Variants in CAMTA1 observed in about 807,000 individuals in gnomAD.
CAMTA1 encodes calmodulin binding transcription activator 1, also known as calmodulin-binding transcription activator 1.
Under a neutral mutation model 170.9 loss-of-function variants are expected in CAMTA1, and 27 were observed. That is an observed-to-expected ratio of 0.16 (90% confidence interval 0.12 to 0.22). CAMTA1 has a LOEUF of 0.22. Ranked by LOEUF, CAMTA1 falls within the 10% of genes least tolerant of loss-of-function variation. The pLI, the probability that CAMTA1 is intolerant of heterozygous loss-of-function variation, is 1.00. For missense variants in CAMTA1, 1,619 were observed against 2,217.2 expected (o/e 0.73, Z 5.42); for synonymous variants, 833 against 891.5 (o/e 0.93, Z 1.17).
intron 4 of CAMTA1, among the ~76,000 whole-genome samples, chr1:7,160,851 T>C (rs1310121017): frequency 6.6e-6 from 1 of 152,162 alleles, no homozygotes; most frequent in Non-Finnish European, 1.5e-5. Flanking sequence ...TCTTTCTCAG[T>C]ATATGGTACC....
intron 3 of CAMTA1, among the ~76,000 whole-genome samples, chr1:6,992,530 T>A (rs1292639920): frequency 6.6e-6 from 1 of 152,222 alleles, no homozygotes; most frequent in African/African-American, 2.4e-5. Context: ...TTCACACTGC[T>A]AGAAAGAAAT....
At chr1:7,284,146 T>C (rs1156679051) in intron 5 of CAMTA1, among the ~76,000 whole-genome samples, 1 of 105,070 alleles carries the variant, frequency 9.5e-6, no homozygotes, top group African/African-American at 3.9e-5. Context: ...TTCTTCTTCT[T>C]CTTCTTCTTC....
intron 4 of CAMTA1, among the ~76,000 whole-genome samples, chr1:7,129,675 G>A (rs1369017485): frequency 6.6e-6 from 1 of 152,106 alleles, no homozygotes; most frequent in African/African-American, 2.4e-5. Context: ...ACTGTATTTA[G>A]AGTGTACAAT....
chr1:7,381,104 A>G (rs1166299386), intron 5 of CAMTA1, among the ~76,000 whole-genome samples: 2 of 152,212 alleles, frequency 1.3e-5, no homozygotes, highest in Non-Finnish European at 2.9e-5. Context: ...ACATCATAAT[A>G]GCGGTGACTT....
At chr1:7,142,988 C>T (rs546448284) in intron 4 of CAMTA1, among the ~76,000 whole-genome samples, 26 of 152,312 alleles carry the variant, frequency 1.7e-4, no homozygotes, top group African/African-American at 5.5e-4. Context: ...CTCAGTTTCT[C>T]CAGTCTAAGG....
chr1:7,056,009 C>T (rs1707270548), intron 3 of CAMTA1, among the ~76,000 whole-genome samples: 1 of 152,174 alleles, frequency 6.6e-6, no homozygotes, highest in Admixed American at 6.5e-5. Context: ...TTCCTCTGCA[C>T]AAGGAGGGCT....
chr1:7,660,257 G>A (rs566951170), intron 7 of CAMTA1, among the ~76,000 whole-genome samples: 27 of 152,122 alleles, frequency 1.8e-4, no homozygotes, highest in Non-Finnish European at 3.2e-4. Context: ...TGGTAGAGAC[G>A]GGTTTCACCA....
intron 3 of CAMTA1, among the ~76,000 whole-genome samples, chr1:6,855,814 CA>C (rs1662108693): frequency 6.6e-6 from 1 of 152,150 alleles, no homozygotes; most frequent in South Asian, 2.1e-4. Flanking sequence ...ATAAACAGAG[CA>C]ACTGCTGCCC....
intron 6 of CAMTA1, among the ~76,000 whole-genome samples, chr1:7,556,542 C>T (rs1013854464): frequency 1.3e-5 from 2 of 152,218 alleles, no homozygotes; most frequent in Admixed American, 1.3e-4. Context: ...CAGCCATGCA[C>T]ACGCACATCA....
At chr1:7,306,485 C>T (rs1675608948) in intron 5 of CAMTA1, among the ~76,000 whole-genome samples, 1 of 151,916 alleles carries the variant, frequency 6.6e-6, no homozygotes, top group African/African-American at 2.4e-5. Context: ...GTGTTCTATT[C>T]ATTTTTGTGC....
At chr1:7,737,881 G>A (rs1363295643) in intron 15 of CAMTA1, 78 bp from the exon 16 acceptor site, 24 of 1,421,620 alleles carry the variant, frequency 1.7e-5, no homozygotes, top group Non-Finnish European at 2.3e-5. Context: ...TGTCTCTCAG[G>A]CATAGAGAAA....
intron 7 of CAMTA1, among the ~76,000 whole-genome samples, chr1:7,650,979 C>T (rs559804121): frequency 9.8e-5 from 15 of 152,286 alleles, no homozygotes; most frequent in South Asian, 8.3e-4. Context: ...TCAACAACAC[C>T]GAGGACTCCG....
intron 6 of CAMTA1, among the ~76,000 whole-genome samples, chr1:7,472,153 C>T (rs2093344043): frequency 6.6e-6 from 1 of 152,198 alleles, no homozygotes; most frequent in Non-Finnish European, 1.5e-5. Flanking sequence ...CTGGCCCACG[C>T]TGGCAGCACA....
intron 3 of CAMTA1, among the ~76,000 whole-genome samples, chr1:6,882,834 A>C (rs1368902569): frequency 1.3e-5 from 2 of 152,140 alleles, no homozygotes; most frequent in Non-Finnish European, 2.9e-5. Context: ...GTTAAGGGGA[A>C]GCGGGTAGAA....
chr1:6,905,475 G>A (rs1678225894), intron 3 of CAMTA1, among the ~76,000 whole-genome samples: 1 of 152,118 alleles, frequency 6.6e-6, no homozygotes, highest in South Asian at 2.1e-4. Context: ...GATTACAGGC[G>A]CGAGCCACTA....
intron 6 of CAMTA1, among the ~76,000 whole-genome samples, chr1:7,631,844 C>G: frequency 6.6e-6 from 1 of 152,220 alleles, no homozygotes; most frequent in East Asian, 1.9e-4. Flanking sequence ...CCTGCCAAGG[C>G]CTTCATGATC....
At chr1:7,023,192 G>C (rs1701603244) in intron 3 of CAMTA1, among the ~76,000 whole-genome samples, 1 of 152,216 alleles carries the variant, frequency 6.6e-6, no homozygotes, top group African/African-American at 2.4e-5. Flanking sequence ...ATATAGATAT[G>C]AGACCAAATC....
At chr1:7,503,614 C>T (rs1441652540) in intron 6 of CAMTA1, among the ~76,000 whole-genome samples, 1 of 152,188 alleles carries the variant, frequency 6.6e-6, no homozygotes, top group African/African-American at 2.4e-5. Context: ...TGACAGTGGC[C>T]AGGCTGCTTC....
chr1:7,455,093 C>T lies in CAMTA1; in HGVS notation c.439-12737C>T, dbSNP rs146026146. Among the ~76,000 whole-genome samples, 5 of 152,144 alleles carry T rather than the reference C, an allele frequency of 3.3e-5. No homozygotes were observed. The highest frequency in any genetic ancestry group is 2.6e-4 in the Admixed American group (4 of 15,290). ...TCCAGGGCCGGCCTGGCTGGGGCAG[C>T]GCATCTGCAGGTGTTTGAGGCACAT... On this transcript the variant is annotated intron_variant, in intron 5 of 22. Transcript: ENST00000303635. This position sits in a 1 kb window ranked among gnomAD's most constrained non-coding sequence, Gnocchi z 5.0.
Sources: gnomAD v4.1 joint callset for allele counts (sites outside exome capture counted in the v4.1 genomes callset) on GRCh38, gnomAD v4.1.1 for gene constraint, Gnocchi (gnomAD v3.1) non-coding constraint, MANE v1.5 for transcripts, NCBI Gene and HGNC (gene_info 2026-07-23, HGNC 2026-07-21) for gene names.